EIF4G3: variants seen among roughly 807,000 people sequenced by gnomAD.
EIF4G3 encodes the protein eIF-4-gamma 3.
Under a neutral mutation model 186.4 loss-of-function variants are expected in EIF4G3, and 34 were observed. That is an observed-to-expected ratio of 0.18 (90% CI 0.14 to 0.24). The LOEUF (loss-of-function observed/expected upper bound fraction) is 0.24. Among genes scored for constraint, EIF4G3 ranks in the 10% least tolerant of loss-of-function variants. The probability of loss-of-function intolerance (pLI) is 1.00; values close to 1 mark genes in which losing one functional copy is unlikely to be tolerated. For synonymous variants in EIF4G3, 673 were observed against 679.5 expected (o/e 0.99, Z 0.15); for missense variants, 1,536 against 1,948.5 (o/e 0.79, Z 3.99).
At chr1:21,138,418 A>C (rs1228698276) in intron 2 of EIF4G3, among the ~76,000 whole-genome samples, 1 of 152,212 alleles carries the variant, frequency 6.6e-6, no homozygotes, top group African/African-American at 2.4e-5. Flanking sequence ...ACTCCAAACA[A>C]AAAAGAGAGA....
chr1:21,029,911 C>G (rs1571325599), intron 4 of EIF4G3, among the ~76,000 whole-genome samples: 1 of 152,186 alleles, frequency 6.6e-6, no homozygotes, highest in South Asian at 2.1e-4. Context: ...GGCTGGAGCA[C>G]AGTGGCACAA....
At chr1:21,086,918 A>G (rs1383365423) in intron 3 of EIF4G3, among the ~76,000 whole-genome samples, 3 of 151,132 alleles carry the variant, frequency 2.0e-5, no homozygotes, top group Admixed American at 2.0e-4. Flanking sequence ...CAGCCTGGGC[A>G]ACAGAGTGAG....
At chr1:21,157,377 T>G (rs1573508547) in intron 2 of EIF4G3, among the ~76,000 whole-genome samples, 1 of 151,206 alleles carries the variant, frequency 6.6e-6, no homozygotes, top group African/African-American at 2.4e-5. Flanking sequence ...TTTTTGTTTG[T>G]TTTTTTTTAA....
intron 3 of EIF4G3, among the ~76,000 whole-genome samples, chr1:21,061,269 T>C (rs1427143042): frequency 2.0e-5 from 3 of 152,170 alleles, no homozygotes; most frequent in African/African-American, 7.2e-5. Context: ...AAAATCCAAA[T>C]GCTCTAATGA....
intron 4 of EIF4G3, among the ~76,000 whole-genome samples, chr1:21,011,218 A>G (rs1316151634): frequency 1.3e-5 from 2 of 151,934 alleles, no homozygotes; most frequent in Admixed American, 6.5e-5. Flanking sequence ...TTAAAAAAAA[A>G]AAAAGGAAAG....
chr1:20,928,894 T>A (rs897579470), intron 14 of EIF4G3, among the ~76,000 whole-genome samples: 21 of 152,140 alleles, frequency 1.4e-4, no homozygotes, highest in African/African-American at 5.1e-4. Flanking sequence ...CCCCACTCTC[T>A]TCTCTCCCCA....
chr1:20,819,027 C>T (rs552300226), intron 33 of EIF4G3, among the ~76,000 whole-genome samples: 3 of 152,238 alleles, frequency 2.0e-5, no homozygotes, highest in Admixed American at 1.3e-4. Context: ...CTCAGCCTCC[C>T]GAGCAGCTGA....
chr1:20,870,399 CA>C (rs1424087742), intron 20 of EIF4G3, among the ~76,000 whole-genome samples: 2 of 152,096 alleles, frequency 1.3e-5, no homozygotes, highest in African/African-American at 4.8e-5. Context: ...TCCCACAGCA[CA>C]GACAAAAAGT....
At chr1:21,164,673 A>G (rs1466623357) in intron 2 of EIF4G3, among the ~76,000 whole-genome samples, 3 of 152,152 alleles carry the variant, frequency 2.0e-5, no homozygotes, top group Non-Finnish European at 4.4e-5. Flanking sequence ...CAGCCTGGGC[A>G]ACATGGTGAA....
At chr1:21,090,909 G>C (rs1028292984) in intron 2 of EIF4G3, among the ~76,000 whole-genome samples, 1 of 151,908 alleles carries the variant, frequency 6.6e-6, no homozygotes, top group African/African-American at 2.4e-5. Flanking sequence ...TAATGCAAAG[G>C]GTCTTTTTCT....
intron 14 of EIF4G3, among the ~76,000 whole-genome samples, chr1:20,923,644 A>C (rs147936168): frequency 6.3e-4 from 96 of 152,192 alleles, no homozygotes; most frequent in African/African-American, 2.3e-3. Flanking sequence ...AGATGGAAAA[A>C]AAAAATCTAC....
At chr1:21,032,947 C>A (rs1327847084) in intron 4 of EIF4G3, among the ~76,000 whole-genome samples, 1 of 152,192 alleles carries the variant, frequency 6.6e-6, no homozygotes, top group Non-Finnish European at 1.5e-5. Context: ...CATCATAATA[C>A]AATGACGGAC....
At chr1:21,139,918 T>C (rs1471635802) in intron 2 of EIF4G3, among the ~76,000 whole-genome samples, 2 of 152,184 alleles carry the variant, frequency 1.3e-5, no homozygotes, top group Non-Finnish European at 2.9e-5. Flanking sequence ...TATCCTAGCC[T>C]TACCCCATCC....
At chr1:20,900,463 C>T (rs1318644190) in intron 15 of EIF4G3, among the ~76,000 whole-genome samples, 1 of 148,172 alleles carries the variant, frequency 6.7e-6, no homozygotes, top group Non-Finnish European at 1.5e-5. Flanking sequence ...TTTTGTTATT[C>T]GTTCTTAGAC....
chr1:20,911,359 G>A lies in EIF4G3; in HGVS notation c.1664-6388C>T, dbSNP rs544764687. Among the ~76,000 whole-genome samples the A allele has an allele frequency of 7.9e-5, 12 of 152,022 alleles. No homozygotes were observed. The East Asian group carries it at 2.3e-3, about 29-fold the overall frequency. Reference sequence around the variant, plus strand: ...GAGGAGGGAAGACTGCTTGAGGCCAGGAGTTCAAGACCAGCCTAGGCAAAA... The same window carrying A: ...GAGGAGGGAAGACTGCTTGAGGCCAAGAGTTCAAGACCAGCCTAGGCAAAA... On this transcript the variant is annotated intron_variant, in intron 14 of 36. Coordinates refer to ENST00000602326, the MANE Select transcript of EIF4G3 (RefSeq NM_001391906.1).
chr1:20,980,248 A>G, intron 10 of EIF4G3, 86 bp downstream of exon 10: 1 of 875,990 alleles, frequency 1.1e-6, no homozygotes, highest in Non-Finnish European at 1.7e-6. Context: ...TTACCACTAA[A>G]CCTCATTGTA....
At chr1:21,041,915 G>A (rs1290394278) in intron 4 of EIF4G3, among the ~76,000 whole-genome samples, 2 of 151,902 alleles carry the variant, frequency 1.3e-5, no homozygotes, top group African/African-American at 2.4e-5. Flanking sequence ...GGAAAAAAAC[G>A]TAAATAAATG....
intron 3 of EIF4G3, among the ~76,000 whole-genome samples, chr1:21,080,711 T>A (rs568664445): frequency 6.6e-6 from 1 of 152,098 alleles, no homozygotes; most frequent in Non-Finnish European, 1.5e-5. Flanking sequence ...GGTTTCACCA[T>A]GTTGGTCAGG....
rs536900010 is a variant in EIF4G3, at chr1:21,036,888, TAATAA to T, written c.-67+13973_-67+13977del. On this transcript the variant is annotated intron_variant, in intron 4 of 36. Transcript: ENST00000602326. ...GAGTGAGACTCCACCTCTAAAAAAA[TAATAA>T]AATAAAAGCTTATTTATGAGTTACA... 9.8e-4 allele frequency among the ~76,000 whole-genome samples: 149 copies of T among 152,134 alleles called. 1 individual carries two copies. The Middle Eastern group carries it at 0.01, about 10-fold the overall frequency.
Sources: allele counts gnomAD v4.1 joint callset (sites outside exome capture counted in the v4.1 genomes callset), GRCh38; gene constraint gnomAD v4.1.1; transcripts MANE v1.5; gene names NCBI Gene and HGNC (gene_info 2026-07-23, HGNC 2026-07-21).